Variants in TOLLIP observed in about 807,000 individuals in gnomAD.
The protein encoded by TOLLIP is toll interacting protein.
In TOLLIP, 16 loss-of-function variants were observed where a neutral mutation model predicts 33.5. The ratio of observed to expected loss-of-function variants is 0.48; its 90% CI spans 0.32 to 0.72. The LOEUF is 0.72. Ranked by LOEUF, TOLLIP falls within the 30% of genes least tolerant of loss-of-function variation. The pLI is 0.03. For synonymous variants in TOLLIP, 176 were observed against 163.7 expected (o/e 1.07, Z -0.57); for missense variants, 325 against 396.6 (o/e 0.82, Z 1.53).
At chr11:1,299,997 G>C (rs1864221122) in intron 1 of TOLLIP, among the ~76,000 whole-genome samples, 1 of 152,224 alleles carries the variant, frequency 6.6e-6, no homozygotes, top group Admixed American at 6.5e-5. Context: ...ACCAACTCTG[G>C]AGGAGCATTC....
At chr11:1,286,423 T>C (rs1863697138) in intron 4 of TOLLIP, among the ~76,000 whole-genome samples, 1 of 152,214 alleles carries the variant, frequency 6.6e-6, no homozygotes, top group Admixed American at 6.5e-5. Context: ...CACACTGCAC[T>C]GCTGTGGTGT....
At chr11:1,309,340 C>A (rs942154603) in intron 1 of TOLLIP, 126 bp downstream of exon 1, 173 of 483,610 alleles carry the variant, frequency 3.6e-4, no homozygotes, top group Admixed American at 1.4e-3. Context: ...CGGCCAGGCG[C>A]CCCGCGTGCC....
intron 1 of TOLLIP, among the ~76,000 whole-genome samples, chr11:1,300,699 C>T (rs1590227790): frequency 6.6e-6 from 1 of 152,216 alleles, no homozygotes; most frequent in Non-Finnish European, 1.5e-5. Flanking sequence ...GACAGAGCCC[C>T]GGAAGAGCCC....
intron 1 of TOLLIP, 74 bp from the exon 2 acceptor site, chr11:1,295,868 G>C (rs772987032): frequency 1.4e-5 from 21 of 1,477,824 alleles, no homozygotes; most frequent in Non-Finnish European, 1.9e-5. Flanking sequence ...AGCTGCCCCC[G>C]GCATTCCCGC....
intron 5 of TOLLIP, among the ~76,000 whole-genome samples, chr11:1,280,329 C>T (rs572411826): frequency 1.6e-4 from 25 of 152,192 alleles, no homozygotes; most frequent in Non-Finnish European, 2.1e-4. Context: ...ACCGCGTGCA[C>T]GTTCTCTATG....
At chr11:1,295,463 C>G in intron 2 of TOLLIP, 182 bp downstream of exon 2, 2 of 730,798 alleles carry the variant, frequency 2.7e-6, no homozygotes, top group Non-Finnish European at 4.3e-6. Flanking sequence ...TGGTAGAACC[C>G]GGGGTCAATG....
rs752015473 is a variant in TOLLIP, at chr11:1,277,111, G to T, written c.753C>A (p.Ser251=). The T allele has an allele frequency of 3.1e-6, 5 of 1,614,026 alleles. No homozygotes were observed. In the East Asian group the frequency reaches 8.9e-5, roughly 29 times the overall value. ...FPNMDQEVIR[S]VLEAQRGNKD... ...TGTTCCCTCGCTGGGCTTCCAGCAC[G>T]GAGCGGATCACCTCCTGGTCCATGT... Residue 251 remains serine (S), a synonymous_variant, in exon 6 of 6, where the codon TCC becomes TCA. Transcript: ENST00000317204. The surrounding 1 kb of genome is among the most constrained non-coding windows in gnomAD (Gnocchi z 4.2).
intron 2 of TOLLIP, among the ~76,000 whole-genome samples, chr11:1,292,651 G>C (rs533322026): frequency 2.4e-4 from 37 of 152,332 alleles, no homozygotes; most frequent in Non-Finnish European, 2.9e-4. Flanking sequence ...TCTGGTGCAG[G>C]AGACACTGTG....
At chr11:1,279,640 A>G (rs976236433) in intron 5 of TOLLIP, among the ~76,000 whole-genome samples, 9 of 152,198 alleles carry the variant, frequency 5.9e-5, no homozygotes, top group African/African-American at 2.2e-4. Context: ...ACGCACGCGG[A>G]CGGATGTGCA....
At chr11:1,286,339 C>G (rs1863691862) in intron 4 of TOLLIP, among the ~76,000 whole-genome samples, 1 of 152,234 alleles carries the variant, frequency 6.6e-6, no homozygotes, top group South Asian at 2.1e-4. Context: ...CCCCTTCTAA[C>G]TGGGATGTGA....
At chr11:1,304,014 C>A (rs1484007447) in intron 1 of TOLLIP, among the ~76,000 whole-genome samples, 1 of 145,990 alleles carries the variant, frequency 6.8e-6, no homozygotes, top group Non-Finnish European at 1.5e-5. Flanking sequence ...CCAGCCTGGG[C>A]TACAGAGCGA....
In TOLLIP at chr11:1,290,847, C is replaced by T. The variant is rs1227140261; in HGVS notation, c.184-438G>A. The T allele has an allele frequency of 6.0e-6, 1 of 167,052 alleles. No individual in the cohort carries two copies. Among genetic ancestry groups the T allele is most frequent in the Non-Finnish European group, 1.3e-5 (1 of 76,732 alleles). The allele number at this position is 167,052 out of a possible 1,614,324, so 10.3% of individuals were successfully genotyped here. On this transcript the variant is annotated intron_variant, in intron 2 of 5. Transcript: ENST00000317204. The surrounding 1 kb of genome is among the most constrained non-coding windows in gnomAD (Gnocchi z 4.9). ...GACCCGGGAGAGGTGCATCCTCGCTCTAGGTGAGAGTGAGGACACCTGCTG... is the reference window on the plus strand; with the variant it reads ...GACCCGGGAGAGGTGCATCCTCGCTTTAGGTGAGAGTGAGGACACCTGCTG...
chr11:1,288,861 G>A (rs572498569), intron 3 of TOLLIP, 85 bp from the exon 4 acceptor site: 31 of 1,460,958 alleles, frequency 2.1e-5, no homozygotes, highest in South Asian at 1.0e-4. Flanking sequence ...GGCCCGCCTC[G>A]AGTCCCCGTC....
intron 1 of TOLLIP, among the ~76,000 whole-genome samples, chr11:1,296,392 T>C (rs1864112914): frequency 6.6e-6 from 1 of 152,230 alleles, no homozygotes; most frequent in Admixed American, 6.5e-5. Context: ...CCACTGCCAC[T>C]TCTGAGGGGA....
intron 1 of TOLLIP, among the ~76,000 whole-genome samples, chr11:1,307,785 T>C (rs1474797347): frequency 6.6e-6 from 1 of 152,242 alleles, no homozygotes; most frequent in East Asian, 1.9e-4. Flanking sequence ...GTCCAGGACC[T>C]CTGCCGACCC....
rs1440557018 is a variant in TOLLIP at position 1,290,073 on chromosome 11, G to T, written c.366+154C>A. On this transcript the variant is annotated intron_variant, in intron 3 of 5. Coordinates refer to ENST00000317204, the MANE Select transcript of TOLLIP (RefSeq NM_019009.4). This position sits in a 1 kb window ranked among gnomAD's most constrained non-coding sequence, Gnocchi z 4.9. ...CAATCCCTTTTTCACATTCCTTGGG[G>T]AGAGCAGGACCCTGTCATGCACCCA... 2 of 660,224 alleles carry T rather than the reference G, an allele frequency of 3.0e-6. No homozygotes were observed. Among genetic ancestry groups the T allele is most frequent in the African/African-American group, 3.6e-5 (2 of 54,986 alleles). 40.9% of individuals were successfully genotyped at this position (660,224 alleles called of 1,614,324 possible). A position where few individuals can be genotyped will look rare whatever the true frequency, so the allele number is the denominator to read the frequency against.
chr11:1,281,815 G>A (rs139750280), intron 5 of TOLLIP, among the ~76,000 whole-genome samples: 38 of 152,366 alleles, frequency 2.5e-4, no homozygotes, highest in Non-Finnish European at 4.1e-4. Flanking sequence ...CACATGCTCT[G>A]GCCAAGATGC....
intron 1 of TOLLIP, among the ~76,000 whole-genome samples, chr11:1,304,034 TA>T (rs1190313088): frequency 0.011 from 989 of 87,890 alleles, 10 homozygotes; most frequent in African/African-American, 0.031. Context: ...AGCCTCCATG[TA>T]AAAAAAAAAA....
intron 1 of TOLLIP, among the ~76,000 whole-genome samples, chr11:1,301,755 G>C (rs1864284232): frequency 1.3e-5 from 2 of 152,212 alleles, no homozygotes; most frequent in Non-Finnish European, 2.9e-5. Context: ...ACATGGCCAT[G>C]ATTCAACGTG....
Sources: allele counts gnomAD v4.1 joint callset (sites outside exome capture counted in the v4.1 genomes callset), GRCh38; gene constraint gnomAD v4.1.1; non-coding constraint Gnocchi (gnomAD v3.1); transcripts MANE v1.5; gene names NCBI Gene and HGNC (gene_info 2026-07-23, HGNC 2026-07-21).